ADCY3: variants seen among roughly 807,000 people sequenced by gnomAD.
The protein encoded by ADCY3 is adenylate cyclase type 3.
Under a neutral mutation model 119.4 loss-of-function variants are expected in ADCY3, and 70 were observed. That is an observed-to-expected ratio of 0.59 (90% CI 0.48 to 0.72). ADCY3 has a LOEUF of 0.72. Among genes scored for constraint, ADCY3 ranks in the 30% least tolerant of loss-of-function variants. ADCY3 has a pLI of 0.00. For synonymous variants in ADCY3, 672 were observed against 621.4 expected (o/e 1.08, Z -1.21); for missense variants, 1,238 against 1,541.6 (o/e 0.80, Z 3.30).
chr2:24,827,430 G>GT, intron 15 of ADCY3, 116 bp downstream of exon 15: 1 of 1,108,304 alleles, frequency 9.0e-7, no homozygotes, highest in Non-Finnish European at 1.3e-6. Context: ...TAACCTGCAC[G>GT]TATCAGGTCA....
In ADCY3 at chr2:24,886,481, G is replaced by A. The variant is rs114295354; in HGVS notation, c.676-13762C>T. Among the ~76,000 whole-genome samples, 917 of 152,264 alleles carry A rather than the reference G, an allele frequency of 6.0e-3. 4 individuals are homozygous for A. The highest frequency in any genetic ancestry group is 9.2e-3 in the Non-Finnish European group (624 of 68,012). ...TCCACCCGGACCTTGCAAAGGGCCA[G>A]GTGGGAAGATAAACCTCCCTAAGAT... On this transcript the variant is annotated intron_variant, in intron 2 of 21. Coordinates refer to ENST00000679454, the MANE Select transcript of ADCY3 (RefSeq NM_004036.5).
In ADCY3 at chr2:24,837,554, C is replaced by A. The variant is rs1007923674; in HGVS notation, c.1534-509G>T. On this transcript the variant is annotated intron_variant, in intron 8 of 21. Transcript: ENST00000679454. ...CTTTAGCCATAATTAGGCAAAGCCT[C>A]AGCCATAGAGCAGTCTCAAATGACA... is the stretch of plus-strand genomic sequence containing the variant. 7.2e-5 allele frequency among the ~76,000 whole-genome samples: 11 copies of A among 152,184 alleles called. No homozygotes were observed. The East Asian group carries it at 7.7e-4, about 11-fold the overall frequency.
rs556381717 is a variant in ADCY3 at position 24,841,942 on chromosome 2, T to C, written c.957-275A>G. 1.8e-3 allele frequency among the ~76,000 whole-genome samples: 272 copies of C among 152,204 alleles called. No individual in the cohort carries two copies. Among genetic ancestry groups the C allele is most frequent in the Non-Finnish European group, 2.1e-3 (146 of 68,036 alleles). ...ACTCCTGCCCAGGCTGAACTCATCC[T>C]TCTTCCTAGAATCACAGGTCAGGGC... On this transcript the variant is annotated intron_variant, in intron 4 of 21. Transcript: ENST00000679454. The surrounding 1 kb of genome is among the most constrained non-coding windows in gnomAD (Gnocchi z 5.8).
intron 17 of ADCY3, among the ~76,000 whole-genome samples, chr2:24,823,686 G>A (rs1452813558): frequency 1.7e-5 from 2 of 115,530 alleles, no homozygotes; most frequent in East Asian, 3.1e-4. Context: ...ATAGCTCATC[G>A]CTACTTTTTT....
intron 3 of ADCY3, among the ~76,000 whole-genome samples, chr2:24,862,342 C>G (rs923577295): frequency 4.6e-5 from 7 of 152,122 alleles, no homozygotes; most frequent in Admixed American, 6.5e-5. Context: ...GTCAGGAGAT[C>G]GAGACCATCC....
intron 3 of ADCY3, among the ~76,000 whole-genome samples, chr2:24,869,337 C>T (rs1252765536): frequency 1.3e-5 from 2 of 152,100 alleles, no homozygotes; most frequent in Non-Finnish European, 2.9e-5. Context: ...TTATCTATGA[C>T]GGAAACAGAA....
chr2:24,842,327 T>C lies in ADCY3; in HGVS notation c.883A>G (p.Met295Val). ...TCCTTCTGGCTCTCGTCTTTCTTCA[T>C]GTCTTTCAGCATCTCGTCAGCCACG... ...KHVADEMLKD[M>V]KKDESQKDQQ... The change falls in exon 4 of 22, where the codon ATG (methionine) becomes GTG (valine). Residue 295 changes from methionine to valine, a missense_variant. Met to Val is a conservative substitution (Grantham distance 21). Coordinates refer to ENST00000679454, the MANE Select transcript of ADCY3 (RefSeq NM_004036.5). The surrounding 1 kb of genome is among the most constrained non-coding windows in gnomAD (Gnocchi z 4.9). The C allele has an allele frequency of 1.2e-6, 2 of 1,614,186 alleles. No homozygotes were observed. The highest frequency in any genetic ancestry group is 1.7e-6 in the Non-Finnish European group (2 of 1,180,046).
intron 3 of ADCY3, among the ~76,000 whole-genome samples, chr2:24,860,004 G>A (rs73923446): frequency 0.045 from 6,890 of 152,226 alleles, 511 homozygotes; most frequent in African/African-American, 0.15. Context: ...CACCTCCGAG[G>A]GAGGACCAGG....
chr2:24,860,667 C>T (rs1247814470), intron 3 of ADCY3, among the ~76,000 whole-genome samples: 2 of 152,250 alleles, frequency 1.3e-5, no homozygotes, highest in Non-Finnish European at 2.9e-5. Flanking sequence ...AGTGAGGAGG[C>T]AGAAAGGGAT....
chr2:24,919,137 GA>G lies in ADCY3; in HGVS notation c.-151del. The G allele has an allele frequency of 1.3e-6, 1 of 763,776 alleles. No individual in the cohort carries two copies. Among genetic ancestry groups the G allele is most frequent in the Non-Finnish European group, 2.1e-6 (1 of 485,722 alleles). 47.3% of individuals were successfully genotyped at this position (763,776 alleles called of 1,614,324 possible). On this transcript the variant is annotated 5_prime_UTR_variant, in exon 2 of 22. Transcript: ENST00000679454. This position sits in a 1 kb window ranked among gnomAD's most constrained non-coding sequence, Gnocchi z 5.5. The stretch of plus-strand genomic sequence containing the variant: ...GCGGAGGGGAGGCCACCTCCAGCAG[GA>G]ACGCAGAGCGGGTTTCCAGAGCACA...
rs566837994 is a variant in ADCY3 at position 24,850,872 on chromosome 2, G to A, written c.826-8488C>T. Among the ~76,000 whole-genome samples the A allele has an allele frequency of 1.1e-3, 161 of 152,236 alleles. 1 individual carries two copies. The highest frequency in any genetic ancestry group is 3.7e-3 in the African/African-American group (153 of 41,552). Reference sequence around the variant, plus strand: ...CAATAAAGTACAGAGAGAGAAGAGCGGGACAAAATTGTGTTCTGTGAAGCT... The same window carrying A: ...CAATAAAGTACAGAGAGAGAAGAGCAGGACAAAATTGTGTTCTGTGAAGCT... On this transcript the variant is annotated intron_variant, in intron 3 of 21. Transcript: ENST00000679454.
intron 3 of ADCY3, among the ~76,000 whole-genome samples, chr2:24,870,051 C>T (rs1174733606): frequency 6.6e-6 from 1 of 151,930 alleles, no homozygotes; most frequent in African/African-American, 2.4e-5. Context: ...TGGCTCATGC[C>T]TGTAACCCCA....
chr2:24,879,996 G>T (rs1226522900), intron 2 of ADCY3, among the ~76,000 whole-genome samples: 2 of 152,208 alleles, frequency 1.3e-5, no homozygotes, highest in Non-Finnish European at 2.9e-5. Context: ...GAGACTCTGA[G>T]ATCTCCAATA....
chr2:24,918,157 G>A lies in ADCY3; in HGVS notation c.675+156C>T, dbSNP rs935013301. Among the ~76,000 whole-genome samples the A allele has an allele frequency of 1.3e-5, 2 of 152,188 alleles. No individual in the cohort carries two copies. Among genetic ancestry groups the A allele is most frequent in the African/African-American group, 4.8e-5 (2 of 41,446 alleles). On this transcript the variant is annotated intron_variant, in intron 2 of 21. Coordinates refer to ENST00000679454, the MANE Select transcript of ADCY3 (RefSeq NM_004036.5). This position sits in a 1 kb window ranked among gnomAD's most constrained non-coding sequence, Gnocchi z 5.4. ...GGCAGACTCCGGGTAATGGCACAGG[G>A]GTGAAAAGGCAGGGACTAGGGAGAG...
At chr2:24,836,654 C>A (rs1670359767) in intron 9 of ADCY3, among the ~76,000 whole-genome samples, 1 of 152,192 alleles carries the variant, frequency 6.6e-6, no homozygotes, top group Admixed American at 6.6e-5. Context: ...CTACAGGATT[C>A]CGGGCCATCA....
At chr2:24,833,305 C>T (rs1482213201) in intron 11 of ADCY3, among the ~76,000 whole-genome samples, 1 of 152,190 alleles carries the variant, frequency 6.6e-6, no homozygotes, top group African/African-American at 2.4e-5. Flanking sequence ...TGGCCCGTTC[C>T]CAATGCGATG....
rs1219838704 is a variant in ADCY3 at position 24,820,661 on chromosome 2, C to G, written c.3252+63G>C. The G allele has an allele frequency of 2.5e-6, 4 of 1,603,266 alleles. No individual in the cohort carries two copies. In the African/African-American group the frequency reaches 5.4e-5, roughly 21 times the overall value. ...TGGGAGGCAGGGGCACGTGGGAAAG[C>G]ACTGTTCCGGTTTTGTTCTCATGCC... On this transcript the variant is annotated intron_variant, in intron 21 of 21. Transcript: ENST00000679454.
chr2:24,895,826 A>G (rs899721608), intron 2 of ADCY3, among the ~76,000 whole-genome samples: 3 of 152,112 alleles, frequency 2.0e-5, no homozygotes, highest in Non-Finnish European at 4.4e-5. Context: ...GGGTTTCACC[A>G]TATTGCCCAG....
rs368434221 is a variant in ADCY3 at position 24,834,613 on chromosome 2, C to T, written c.1839G>A (p.Met613Ile). Residue 613 changes from methionine to isoleucine, a missense_variant, in exon 11 of 22, where the codon ATG becomes ATA. Around this residue, in one of 7 missense-constraint regions of ADCY3, gnomAD observed 499 missense variants for 571.0 expected, o/e 0.87. Coordinates refer to ENST00000679454, the MANE Select transcript of ADCY3 (RefSeq NM_004036.5). This position sits in a 1 kb window ranked among gnomAD's most constrained non-coding sequence, Gnocchi z 4.2. ...TTTCCATCTCGGGGTCCATGAACCGCATGGACAAGAGGAAGGTGTTTCTCT... is the reference window on the plus strand; with the variant it reads ...TTTCCATCTCGGGGTCCATGAACCGTATGGACAAGAGGAAGGTGTTTCTCT... ...VKKRNTFLLS[M>I]RFMDPEMETR... 1.4e-5 allele frequency: 23 copies of T among 1,614,034 alleles called. No homozygotes were observed. Among genetic ancestry groups the T allele is most frequent in the Non-Finnish European group, 1.9e-5 (23 of 1,180,048 alleles).
Sources: allele counts gnomAD v4.1 joint callset (sites outside exome capture counted in the v4.1 genomes callset), GRCh38; gene constraint gnomAD v4.1.1; regional missense constraint gnomAD v4.1.1; non-coding constraint Gnocchi (gnomAD v3.1); transcripts MANE v1.5; gene names NCBI Gene and HGNC (gene_info 2026-07-23, HGNC 2026-07-21).